TNIK: variants seen among roughly 807,000 people sequenced by gnomAD.
TNIK encodes TRAF2 and NCK-interacting protein kinase.
In TNIK, 49 loss-of-function variants were observed where a neutral mutation model predicts 191.3. That is an observed-to-expected ratio of 0.26 (90% CI 0.20 to 0.32). TNIK has a LOEUF of 0.32. Ranked by LOEUF, TNIK falls within the 10% of genes least tolerant of loss-of-function variation. The pLI is 1.00. For missense variants in TNIK, 1,155 were observed against 1,702.3 expected (o/e 0.68, Z 5.66); for synonymous variants, 594 against 600.9 (o/e 0.99, Z 0.17).
chr3:171,446,227 A>G (rs1460405497), intron 1 of TNIK, among the ~76,000 whole-genome samples: 1 of 152,254 alleles, frequency 6.6e-6, no homozygotes, highest in African/African-American at 2.4e-5. Flanking sequence ...GTATTTAATT[A>G]GATAATGTTT....
chr3:171,203,389 A>G (rs6783543), intron 4 of TNIK, among the ~76,000 whole-genome samples: 52,208 of 152,048 alleles, frequency 0.34, 9,179 homozygotes, highest in Middle Eastern at 0.43. Context: ...ATGTGAATAC[A>G]TGAAATTGAG....
At chr3:171,448,129 G>A (rs1727730313) in intron 1 of TNIK, among the ~76,000 whole-genome samples, 1 of 152,096 alleles carries the variant, frequency 6.6e-6, no homozygotes, top group Admixed American at 6.5e-5. Flanking sequence ...TCAGTAGAGA[G>A]ATTATTAACC....
chr3:171,426,903 C>A lies in TNIK; in HGVS notation c.57+33104G>T, dbSNP rs567954814. Among the ~76,000 whole-genome samples the A allele has an allele frequency of 9.1e-4, 138 of 152,170 alleles. 1 individual carries two copies. Among genetic ancestry groups the A allele is most frequent in the African/African-American group, 2.9e-3 (121 of 41,530 alleles). ...AATGGCTGCCTACCTGGACAAATAC[C>A]ACTAAAAAATGATCATAAACAAACC... On this transcript the variant is annotated intron_variant, in intron 1 of 32. Transcript: ENST00000436636.
chr3:171,226,302 C>G (rs1443400191), intron 3 of TNIK, among the ~76,000 whole-genome samples: 4 of 152,298 alleles, frequency 2.6e-5, no homozygotes, highest in African/African-American at 9.6e-5. Context: ...CATTTGTACC[C>G]TTCTGCTCCC....
chr3:171,417,870 C>A (rs539594202), intron 1 of TNIK, among the ~76,000 whole-genome samples: 1 of 152,290 alleles, frequency 6.6e-6, no homozygotes, highest in African/African-American at 2.4e-5. Context: ...TAGTTTTGAA[C>A]TCCAGATAGA....
At chr3:171,109,506 A>T (rs1401842580) in intron 19 of TNIK, among the ~76,000 whole-genome samples, 1 of 152,364 alleles carries the variant, frequency 6.6e-6, no homozygotes, top group East Asian at 1.9e-4. Flanking sequence ...TTAAAATGGA[A>T]ATAGAGTGAT....
intron 27 of TNIK, among the ~76,000 whole-genome samples, chr3:171,081,448 T>C (rs961405233): frequency 6.6e-6 from 1 of 150,728 alleles, no homozygotes; most frequent in East Asian, 1.9e-4. Context: ...ACGCTCCTGA[T>C]GCCTAAACCC....
chr3:171,173,220 TAAA>T (rs35147904), intron 9 of TNIK, among the ~76,000 whole-genome samples: 1 of 133,148 alleles, frequency 7.5e-6, no homozygotes, highest in African/African-American at 2.8e-5. Context: ...CTGTCTCTAC[TAAA>T]AAAAAAAAAA....
intron 26 of TNIK, among the ~76,000 whole-genome samples, chr3:171,083,070 A>G (rs1173598065): frequency 1.3e-5 from 2 of 152,214 alleles, no homozygotes; most frequent in Admixed American, 6.5e-5. Flanking sequence ...GCACAGGCAC[A>G]TAAGTGGCTT....
chr3:171,216,553 A>C (rs949404674), intron 3 of TNIK, among the ~76,000 whole-genome samples: 1 of 152,220 alleles, frequency 6.6e-6, no homozygotes, highest in African/African-American at 2.4e-5. Flanking sequence ...CATTCTGCAC[A>C]TGAATAGGGT....
At chr3:171,207,306 G>C (rs960264434) in intron 4 of TNIK, among the ~76,000 whole-genome samples, 1 of 151,770 alleles carries the variant, frequency 6.6e-6, no homozygotes, top group Non-Finnish European at 1.5e-5. Context: ...AGCATACAAG[G>C]GTTCCCTTCT....
chr3:171,323,772 C>G (rs1228103334), intron 2 of TNIK, among the ~76,000 whole-genome samples: 3 of 152,114 alleles, frequency 2.0e-5, no homozygotes, highest in Non-Finnish European at 4.4e-5. Flanking sequence ...GAAACTGACA[C>G]CACCTGACTG....
intron 1 of TNIK, among the ~76,000 whole-genome samples, chr3:171,459,222 A>G (rs1017078582): frequency 1.8e-4 from 26 of 144,284 alleles, no homozygotes; most frequent in Non-Finnish European, 9.1e-5. Flanking sequence ...GAAAACACAC[A>G]CAGACACACA....
Position 171,460,207 on chromosome 3 carries a change from C to T in TNIK, c.-144G>A. On this transcript the variant is annotated 5_prime_UTR_variant, in exon 1 of 33. Coordinates refer to ENST00000436636, the MANE Select transcript of TNIK (RefSeq NM_015028.4). The surrounding 1 kb of genome is among the most constrained non-coding windows in gnomAD (Gnocchi z 6.8). The stretch of plus-strand genomic sequence containing the variant: ...CCAGCCTCCCCCGCCCACCCCAGCC[C>T]CACAGCGCCGGATCCCGATCCTCCG... The T allele has an allele frequency of 9.5e-7, 1 of 1,047,304 alleles. No homozygotes were observed. Among genetic ancestry groups the T allele is most frequent in the Non-Finnish European group, 1.4e-6 (1 of 719,188 alleles). 64.9% of individuals were successfully genotyped at this position (1,047,304 alleles called of 1,614,324 possible).
chr3:171,263,633 G>A (rs1208710154), intron 2 of TNIK, among the ~76,000 whole-genome samples: 1 of 151,794 alleles, frequency 6.6e-6, no homozygotes, highest in Non-Finnish European at 1.5e-5. Flanking sequence ...TTTTCCTTTA[G>A]GAAAAATTCT....
chr3:171,394,793 C>T (rs1720013403), intron 1 of TNIK, among the ~76,000 whole-genome samples: 1 of 152,180 alleles, frequency 6.6e-6, no homozygotes, highest in South Asian at 2.1e-4. Flanking sequence ...CTGAAAATTA[C>T]CTGCTATTCT....
intron 2 of TNIK, among the ~76,000 whole-genome samples, chr3:171,250,163 G>A (rs1026272285): frequency 6.6e-6 from 1 of 152,172 alleles, no homozygotes; most frequent in Non-Finnish European, 1.5e-5. Context: ...ATTTACTTCA[G>A]TCCATACTGA....
In TNIK at chr3:171,101,573, T is replaced by G; in HGVS notation, c.2467A>C (p.Met823Leu). The G allele has an allele frequency of 6.2e-7, 1 of 1,613,416 alleles. No individual in the cohort carries two copies. Among genetic ancestry groups the G allele is most frequent in the East Asian group, 2.2e-5 (1 of 44,868 alleles). ...GAGGAGTAATCAGTCACCTTCTTCA[T>G]TGGGCGGTTTGTTTCTTCAATCCGG... Reference protein sequence around the residue: ...ELRIEETNRPMKKVTDYSSSS... With the variant: ...ELRIEETNRPLKKVTDYSSSS... The change falls in exon 22 of 33, where the codon ATG becomes CTG. Residue 823 changes from methionine to leucine, a missense_variant. This residue lies in a region of TNIK where 735 missense variants were observed against 848.0 expected (regional missense o/e 0.87). Transcript: ENST00000436636.
At position 171,216,894 on chromosome 3, in the gene TNIK, C is replaced by T. The variant is rs1304136328; in HGVS notation, c.181-5653G>A. ...AGGAAACAGACCCAGAGTCATCCAACGAGTTGTCTAAGTCCCTACCTCTTC... is the reference window on the plus strand; with the variant it reads ...AGGAAACAGACCCAGAGTCATCCAATGAGTTGTCTAAGTCCCTACCTCTTC... On this transcript the variant is annotated intron_variant, in intron 3 of 32. Coordinates refer to ENST00000436636, the MANE Select transcript of TNIK (RefSeq NM_015028.4). Among the ~76,000 whole-genome samples the T allele has an allele frequency of 3.9e-5, 6 of 152,164 alleles. No homozygotes were observed. In the South Asian group the frequency reaches 6.2e-4, roughly 16 times the overall value.
Sources: gnomAD v4.1 joint callset for allele counts (sites outside exome capture counted in the v4.1 genomes callset) on GRCh38, gnomAD v4.1.1 for gene constraint, gnomAD v4.1.1 regional missense constraint, Gnocchi (gnomAD v3.1) non-coding constraint, MANE v1.5 for transcripts, NCBI Gene and HGNC (gene_info 2026-07-23, HGNC 2026-07-21) for gene names.